TOP6BL: variants seen among roughly 807,000 people sequenced by gnomAD.
TOP6BL encodes type 2 DNA topoisomerase 6 subunit B-like.
the TOP6BL span, among the ~76,000 whole-genome samples, chr11:66,754,844 C>T: frequency 6.6e-6 from 1 of 152,138 alleles, no homozygotes; most frequent in Non-Finnish European, 1.5e-5. Flanking sequence ...ATCTTCTCCC[C>T]AATCCACACC....
the TOP6BL span, chr11:66,761,604 C>A: frequency 9.3e-6 from 11 of 1,184,244 alleles, no homozygotes; most frequent in Admixed American, 2.1e-4. Context: ...CTTTTGAGGT[C>A]TTCAAGAAAA....
At chr11:66,842,536 AG>A in the TOP6BL span, among the ~76,000 whole-genome samples, 5 of 152,184 alleles carry the variant, frequency 3.3e-5, no homozygotes, top group African/African-American at 1.2e-4. Context: ...GCTGGCAGGG[AG>A]GGGAGCTTGT....
At chr11:66,821,511 G>A in the TOP6BL span, 55 of 945,282 alleles carry the variant, frequency 5.8e-5, no homozygotes, top group East Asian at 5.1e-4. Flanking sequence ...TCCTGACCTC[G>A]TGATCCGCCC....
At chr11:66,786,412 A>T in the TOP6BL span, among the ~76,000 whole-genome samples, 28 of 152,182 alleles carry the variant, frequency 1.8e-4, no homozygotes, top group Non-Finnish European at 3.1e-4. Flanking sequence ...AGATTTCAGC[A>T]TATGCTTAAT....
the TOP6BL span, among the ~76,000 whole-genome samples, chr11:66,803,510 C>A: frequency 1.3e-5 from 2 of 152,176 alleles, no homozygotes; most frequent in Non-Finnish European, 2.9e-5. Flanking sequence ...CTCACTGCAA[C>A]CTCCGCTTCC....
At chr11:66,815,155 G>A in the TOP6BL span, among the ~76,000 whole-genome samples, 19 of 152,294 alleles carry the variant, frequency 1.2e-4, no homozygotes, top group Middle Eastern at 3.4e-3. Flanking sequence ...CACCGATTTC[G>A]AATAGAGATA....
At chr11:66,767,761 C>T in the TOP6BL span, among the ~76,000 whole-genome samples, 3 of 152,120 alleles carry the variant, frequency 2.0e-5, no homozygotes, top group South Asian at 6.2e-4. Flanking sequence ...ATATGCTACC[C>T]TTTTGGTGTC....
At chr11:66,839,703 A>G in the TOP6BL span, among the ~76,000 whole-genome samples, 1 of 152,234 alleles carries the variant, frequency 6.6e-6, no homozygotes, top group Non-Finnish European at 1.5e-5. Context: ...ATAAATTTAG[A>G]TCTGGAGATT....
At chr11:66,823,039 A>G in the TOP6BL span, among the ~76,000 whole-genome samples, 2 of 151,830 alleles carry the variant, frequency 1.3e-5, no homozygotes, top group African/African-American at 4.8e-5. Flanking sequence ...TCATGCCTGT[A>G]ATCCCAGCAC....
the TOP6BL span, among the ~76,000 whole-genome samples, chr11:66,823,000 A>C: frequency 6.7e-6 from 1 of 150,320 alleles, no homozygotes; most frequent in Non-Finnish European, 1.5e-5. Flanking sequence ...CCTGTCTTAA[A>C]AAAAAAAAAA....
At chr11:66,785,218 C>T in the TOP6BL span, among the ~76,000 whole-genome samples, 1 of 152,108 alleles carries the variant, frequency 6.6e-6, no homozygotes, top group Non-Finnish European at 1.5e-5. Context: ...CTTAACCTCC[C>T]AAAGTGCTGG....
At chr11:66,778,660 T>C in the TOP6BL span, among the ~76,000 whole-genome samples, 2 of 152,066 alleles carry the variant, frequency 1.3e-5, no homozygotes, top group Non-Finnish European at 1.5e-5. Flanking sequence ...TGGAAAAAAC[T>C]ACTTTAAAGT....
chr11:66,798,955 C>T, the TOP6BL span, among the ~76,000 whole-genome samples: 3 of 152,066 alleles, frequency 2.0e-5, no homozygotes, highest in African/African-American at 7.2e-5. Context: ...GCCTGTAATC[C>T]CGGCACTTTG....
the TOP6BL span, among the ~76,000 whole-genome samples, chr11:66,747,941 A>G: frequency 1.3e-5 from 2 of 152,128 alleles, no homozygotes. Flanking sequence ...CTTAAATAGT[A>G]TTCTGACCCT....
At chr11:66,797,760 C>T in the TOP6BL span, among the ~76,000 whole-genome samples, 1 of 152,220 alleles carries the variant, frequency 6.6e-6, no homozygotes, top group Admixed American at 6.5e-5. Context: ...CTGTCTCAGA[C>T]TCTCAAAATG....
At chr11:66,825,079 G>A in the TOP6BL span, among the ~76,000 whole-genome samples, 1 of 151,684 alleles carries the variant, frequency 6.6e-6, no homozygotes, top group East Asian at 2.0e-4. Context: ...GGTCAGGCTG[G>A]TCTCAAACTC....
the TOP6BL span, among the ~76,000 whole-genome samples, chr11:66,782,176 T>G: frequency 6.6e-6 from 1 of 152,212 alleles, no homozygotes; most frequent in South Asian, 2.1e-4. Flanking sequence ...AGAGCACACC[T>G]TCATCGACAG....
At chr11:66,774,542 C>T in the TOP6BL span, among the ~76,000 whole-genome samples, 1 of 152,110 alleles carries the variant, frequency 6.6e-6, no homozygotes, top group Non-Finnish European at 1.5e-5. Context: ...CAAGCTCCGC[C>T]TCCTGGGTTC....
chr11:66,831,319 A>C, the TOP6BL span, among the ~76,000 whole-genome samples: 1 of 152,222 alleles, frequency 6.6e-6, no homozygotes, highest in Non-Finnish European at 1.5e-5. Context: ...TCTTCATGGC[A>C]CTTTTGTTAT....
Sources: gnomAD v4.1 joint callset for allele counts (sites outside exome capture counted in the v4.1 genomes callset) on GRCh38, gnomAD v4.1.1 for gene constraint, MANE v1.5 for transcripts, NCBI Gene and HGNC (gene_info 2026-07-23, HGNC 2026-07-21) for gene names.